The following NKD1 variants were observed in gnomAD, a reference collection of about 807,000 sequenced individuals.
NKD1 encodes the protein protein naked cuticle homolog 1.
A neutral mutation model predicts 56.0 loss-of-function variants in NKD1; 21 were observed. The ratio of observed to expected loss-of-function variants is 0.38; its 90% CI spans 0.27 to 0.54. The LOEUF (loss-of-function observed/expected upper bound fraction) is 0.54, where lower values mean the gene tolerates loss of function less well. Ranked by LOEUF, NKD1 falls within the 20% of genes least tolerant of loss-of-function variation. The pLI, the probability that NKD1 is intolerant of heterozygous loss-of-function variation, is 0.82. For synonymous variants in NKD1, 263 were observed against 265.7 expected (o/e 0.99, Z 0.10); for missense variants, 578 against 642.7 (o/e 0.90, Z 1.09).
At chr16:50,613,352 G>A (rs1458834935) in intron 4 of NKD1, among the ~76,000 whole-genome samples, 1 of 152,114 alleles carries the variant, frequency 6.6e-6, no homozygotes, top group Non-Finnish European at 1.5e-5. Flanking sequence ...CTCGGGCAAG[G>A]CTCCTCAATA....
intron 3 of NKD1, among the ~76,000 whole-genome samples, chr16:50,589,833 TTTCTC>T (rs1402849821): frequency 1.5e-5 from 2 of 129,412 alleles, no homozygotes; most frequent in African/African-American, 2.9e-5. Context: ...TCTCCTCTCT[TTTCTC>T]TTCTCTTTTT....
chr16:50,600,827 C>T lies in NKD1; in HGVS notation c.193-7467C>T, dbSNP rs112890504. 2.2e-4 allele frequency among the ~76,000 whole-genome samples: 33 copies of T among 152,268 alleles called. 1 individual carries two copies. The highest frequency in any genetic ancestry group is 7.9e-4 in the African/African-American group (33 of 41,560). ...AGAGTCAGGCCCAGGGTCTGAAGTCCTTCCTGCCAGCCCTGCCGTCCCACT... is the reference window on the plus strand; with the variant it reads ...AGAGTCAGGCCCAGGGTCTGAAGTCTTTCCTGCCAGCCCTGCCGTCCCACT... On this transcript the variant is annotated intron_variant, in intron 3 of 9. Transcript: ENST00000268459.
At chr16:50,589,003 A>G (rs1961290976) in intron 3 of NKD1, among the ~76,000 whole-genome samples, 1 of 152,090 alleles carries the variant, frequency 6.6e-6, no homozygotes, top group Non-Finnish European at 1.5e-5. Context: ...AATGAGTTAT[A>G]AACATGGGGC....
chr16:50,593,964 C>T (rs1341057918), intron 3 of NKD1, among the ~76,000 whole-genome samples: 1 of 152,156 alleles, frequency 6.6e-6, no homozygotes, highest in Non-Finnish European at 1.5e-5. Flanking sequence ...TTCAGATGCC[C>T]ACTGCAGGAG....
chr16:50,570,940 C>G, intron 3 of NKD1: 1 of 985,468 alleles, frequency 1.0e-6, no homozygotes, highest in Non-Finnish European at 1.2e-6. Context: ...GTGCCAGGCA[C>G]AGGGAGGCTT....
In NKD1 at chr16:50,548,422, A is replaced by G. The variant is rs1960281593; in HGVS notation, c.-132A>G. ...GTCGGGCCGCGGCGACGGCGGCAGG[A>G]GCGCGTCCCGGCGCCGCCTCGGGCT... On this transcript the variant is annotated 5_prime_UTR_variant, in exon 1 of 10. Transcript: ENST00000268459. The G allele has an allele frequency of 6.1e-5, 13 of 214,226 alleles. No homozygotes were observed. The highest frequency in any genetic ancestry group is 7.8e-5 in the Non-Finnish European group (10 of 128,882). 13.3% of individuals were successfully genotyped at this position (214,226 alleles called of 1,614,324 possible).
Position 50,604,783 on chromosome 16 carries a change from C to T in NKD1, c.193-3511C>T, listed in dbSNP as rs572876573. Among the ~76,000 whole-genome samples, 6 of 152,320 alleles carry T rather than the reference C, an allele frequency of 3.9e-5. No individual in the cohort carries two copies. In the South Asian group the frequency reaches 6.2e-4, roughly 16 times the overall value. ...TGTCTCCTGGCAACACCTGCCTTCC[C>T]GAAGGATGGTGCCAAGGGCCTGGCC... On this transcript the variant is annotated intron_variant, in intron 3 of 9. Coordinates refer to ENST00000268459, the MANE Select transcript of NKD1 (RefSeq NM_033119.5).
intron 3 of NKD1, among the ~76,000 whole-genome samples, chr16:50,563,248 C>T (rs548413906): frequency 7.4e-4 from 112 of 151,806 alleles, no homozygotes; most frequent in African/African-American, 2.5e-3. Flanking sequence ...CAGCCCTGGA[C>T]GCATGGAGAA....
At chr16:50,609,829 A>C (rs1194307033) in intron 4 of NKD1, among the ~76,000 whole-genome samples, 1 of 152,228 alleles carries the variant, frequency 6.6e-6, no homozygotes, top group African/African-American at 2.4e-5. Flanking sequence ...AAGGGGGAGG[A>C]GTCCCATGAA....
intron 3 of NKD1, among the ~76,000 whole-genome samples, chr16:50,570,233 G>A (rs1293354984): frequency 6.6e-6 from 1 of 151,982 alleles, no homozygotes; most frequent in South Asian, 2.1e-4. Context: ...TACATGTGTG[G>A]CTTGTATTCT....
chr16:50,593,494 A>G (rs1961412528), intron 3 of NKD1, among the ~76,000 whole-genome samples: 1 of 152,024 alleles, frequency 6.6e-6, no homozygotes, highest in Non-Finnish European at 1.5e-5. Flanking sequence ...CTCACATCTC[A>G]CCAAAGTCAA....
rs1196715126 is a variant in NKD1, at chr16:50,636,724, A to G, written c.*2943A>G. On this transcript the variant is annotated 3_prime_UTR_variant, in exon 10 of 10. Transcript: ENST00000268459. ...TCTTTACCAGAATAAATGCATTTCTATATCTTCCCATATGCATTTTGTTAA... is the reference window on the plus strand; with the variant it reads ...TCTTTACCAGAATAAATGCATTTCTGTATCTTCCCATATGCATTTTGTTAA... 1.3e-5 allele frequency: 2 copies of G among 152,218 alleles called. No individual in the cohort carries two copies. Among genetic ancestry groups the G allele is most frequent in the Non-Finnish European group, 2.9e-5 (2 of 68,034 alleles). The allele number at this position is 152,218 out of a possible 1,614,324, so 9.4% of individuals were successfully genotyped here.
intron 3 of NKD1, among the ~76,000 whole-genome samples, chr16:50,584,993 G>A (rs1961196787): frequency 1.3e-5 from 2 of 152,222 alleles, no homozygotes; most frequent in African/African-American, 2.4e-5. Context: ...CTGCTGCCGA[G>A]CCCAGGCATG....
chr16:50,563,701 C>T (rs1363652626), intron 3 of NKD1, among the ~76,000 whole-genome samples: 2 of 136,410 alleles, frequency 1.5e-5, no homozygotes, highest in African/African-American at 5.7e-5. Flanking sequence ...AGGCTAAACT[C>T]CATCCTCAGT....
chr16:50,612,028 C>G (rs1002298965), intron 4 of NKD1, among the ~76,000 whole-genome samples: 1 of 152,146 alleles, frequency 6.6e-6, no homozygotes, highest in Non-Finnish European at 1.5e-5. Context: ...CTTCTTTAAT[C>G]CTGTTAGAAT....
intron 3 of NKD1, among the ~76,000 whole-genome samples, chr16:50,583,114 G>A (rs1961153901): frequency 6.6e-6 from 1 of 152,200 alleles, no homozygotes; most frequent in Non-Finnish European, 1.5e-5. Flanking sequence ...GTGGCTTAAA[G>A]TGGCTGCAAC....
At chr16:50,573,549 C>T (rs2151267283) in intron 3 of NKD1, among the ~76,000 whole-genome samples, 1 of 152,356 alleles carries the variant, frequency 6.6e-6, no homozygotes, top group South Asian at 2.1e-4. Flanking sequence ...AGGACCTCCC[C>T]TTCTGGGTTC....
At chr16:50,577,294 T>A (rs928345060) in intron 3 of NKD1, among the ~76,000 whole-genome samples, 1 of 152,220 alleles carries the variant, frequency 6.6e-6, no homozygotes, top group Non-Finnish European at 1.5e-5. Context: ...TTTCCCTAAA[T>A]GAGTTTTCAT....
intron 3 of NKD1, among the ~76,000 whole-genome samples, chr16:50,602,347 T>A (rs1961615386): frequency 6.6e-6 from 1 of 152,266 alleles, no homozygotes; most frequent in South Asian, 2.1e-4. Context: ...TCCAGGGAAC[T>A]GTGAGCATCA....
Sources: gnomAD v4.1 joint callset for allele counts (sites outside exome capture counted in the v4.1 genomes callset) on GRCh38, gnomAD v4.1.1 for gene constraint, MANE v1.5 for transcripts, NCBI Gene and HGNC (gene_info 2026-07-23, HGNC 2026-07-21) for gene names.